Variants in DERPC observed in about 807,000 individuals in gnomAD.
DERPC encodes decreased expression in renal and prostate cancer protein.
Under a neutral mutation model 7.2 loss-of-function variants are expected in DERPC, and 1 was observed. The observed-to-expected ratio is 0.14, with a 90% confidence interval of 0.05 to 0.66. DERPC has a LOEUF of 0.66. DERPC is among the 30% of genes least tolerant of loss of function. The pLI is 0.84. For missense variants in DERPC, 502 were observed against 299.4 expected (o/e 1.68, Z -4.99); for synonymous variants, 185 against 117.6 (o/e 1.57, Z -3.71).
At chr16:69,123,039 T>C (rs552999175) in intron 1 of DERPC, among the ~76,000 whole-genome samples, 96 of 152,204 alleles carry the variant, frequency 6.3e-4, no homozygotes, top group Admixed American at 1.1e-3. Context: ...GATTATAGGC[T>C]TGAGCCACTG....
In DERPC at chr16:69,121,422, C is replaced by T. The variant is rs1238226972; in HGVS notation, c.-222+14G>A. 1 of 1,599,368 alleles carries T rather than the reference C, an allele frequency of 6.3e-7. No individual in the cohort carries two copies. The highest frequency in any genetic ancestry group is 8.5e-7 in the Non-Finnish European group (1 of 1,175,364). On this transcript the variant is annotated intron_variant, in intron 2 of 2. Coordinates refer to ENST00000519520, the MANE Select transcript of DERPC (RefSeq NM_001002847.4). ...CATTTCAAGCCAAATTTTAAAATCT[C>T]AAAATGTACTTACCTGGAAATAACA...
At chr16:69,126,524 G>A (rs1962068348) in intron 1 of DERPC, among the ~76,000 whole-genome samples, 1 of 152,188 alleles carries the variant, frequency 6.6e-6, no homozygotes, top group South Asian at 2.1e-4. Flanking sequence ...TAGTTCTGTG[G>A]CCCACAGGCC....
rs1470142593 is a variant in DERPC at position 69,119,221 on chromosome 16, G to C, written c.1208C>G (p.Ser403Cys). 12 of 703,050 alleles carry C rather than the reference G, an allele frequency of 1.7e-5. 1 individual carries two copies. The highest frequency in any genetic ancestry group is 1.5e-4 in the South Asian group (10 of 67,582). The allele number at this position is 703,050 out of a possible 1,614,324, so 43.6% of individuals were successfully genotyped here. A position where few individuals can be genotyped will look rare whatever the true frequency, so the allele number is the denominator to read the frequency against. ...AGCTGGGTTGGGGCCAAGTGGCCCA[G>C]AGGCTCTTGGGAAAATGGTTGGATT... Reference protein sequence around the residue: ...GSNPTIFPRASGPLGPNPANF... With the variant: ...GSNPTIFPRACGPLGPNPANF... The change falls in exon 3 of 3, where the codon TCT becomes TGT. Residue 403 changes from serine (S) to cysteine (C), a missense_variant. By Grantham distance (112) the Ser-to-Cys change is moderately radical (BLOSUM62 -1). Transcript: ENST00000519520.
Position 69,120,262 on chromosome 16 carries a change from C to G in DERPC, c.167G>C (p.Gly56Ala), listed in dbSNP as rs1264732275. Reference protein sequence around the residue: ...VNSDPFLMAAGSLGGNLTPFP... With the variant: ...VNSDPFLMAAASLGGNLTPFP... ...TGGGGTCAGATTTCCACCAAGAGAA[C>G]CGGCCGCCATAAGGAAGGGATCCGA... Residue 56 changes from glycine (G) to alanine (A), a missense_variant, in exon 3 of 3, where the codon GGT becomes GCT. Physicochemically the swap from Gly to Ala is moderately conservative, Grantham distance 60. Transcript: ENST00000519520. This position sits in a 1 kb window ranked among gnomAD's most constrained non-coding sequence, Gnocchi z 4.0. The G allele has an allele frequency of 1.4e-6, 1 of 728,326 alleles. No homozygotes were observed. The allele number at this position is 728,326 out of a possible 1,614,324, so 45.1% of individuals were successfully genotyped here.
At chr16:69,123,943 A>C (rs1287602803) in intron 1 of DERPC, among the ~76,000 whole-genome samples, 29 of 78,724 alleles carry the variant, frequency 3.7e-4, no homozygotes, top group Admixed American at 1.1e-3. Context: ...AAAAAAAAAA[A>C]AAAACAAAAA....
intron 1 of DERPC, among the ~76,000 whole-genome samples, chr16:69,129,974 A>G (rs1467333149): frequency 6.6e-6 from 1 of 152,246 alleles, no homozygotes; most frequent in Non-Finnish European, 1.5e-5. Flanking sequence ...CTAGGACGCA[A>G]AGCTTTACCC....
chr16:69,127,655 G>A (rs1354221428), intron 1 of DERPC, among the ~76,000 whole-genome samples: 4 of 146,960 alleles, frequency 2.7e-5, no homozygotes, highest in Non-Finnish European at 5.9e-5. Context: ...TGTTGCCCAG[G>A]CTGGAGTGCA....
In DERPC at chr16:69,120,261, A is replaced by G. The variant is rs749203164; in HGVS notation, c.168T>C (p.Gly56=). The change falls in exon 3 of 3, where the codon GGT becomes GGC. Residue 56 remains glycine, a synonymous_variant. Coordinates refer to ENST00000519520, the MANE Select transcript of DERPC (RefSeq NM_001002847.4). This position sits in a 1 kb window ranked among gnomAD's most constrained non-coding sequence, Gnocchi z 4.0. ...VNSDPFLMAA[G]SLGGNLTPFP... ...ATGGGGTCAGATTTCCACCAAGAGA[A>G]CCGGCCGCCATAAGGAAGGGATCCG... 1.4e-6 allele frequency: 1 copy of G among 725,750 alleles called. No homozygotes were observed. Among genetic ancestry groups the G allele is most frequent in the Non-Finnish European group, 2.5e-6 (1 of 402,476 alleles). The allele number at this position is 725,750 out of a possible 1,614,324, so 45.0% of individuals were successfully genotyped here.
rs759076060 is a variant in DERPC, at chr16:69,120,382, G to C, written c.47C>G (p.Thr16Ser). Residue 16 changes from threonine to serine, a missense_variant, in exon 3 of 3, where the codon ACT (threonine) becomes AGT (serine). Transcript: ENST00000519520. This position sits in a 1 kb window ranked among gnomAD's most constrained non-coding sequence, Gnocchi z 4.0. Reference sequence around the variant, plus strand: ...TCCTCGAGGTGGCAGCGGAGCACGAGTCCAAGGAGTTGGCCGCTCTCTAGG... The same window carrying C: ...TCCTCGAGGTGGCAGCGGAGCACGACTCCAAGGAGTTGGCCGCTCTCTAGG... ...IFPRERPTPW[T>S]RAPLPPRGRL... 3 of 1,594,324 alleles carry C rather than the reference G, an allele frequency of 1.9e-6. No homozygotes were observed.
At chr16:69,130,501 T>C (rs549573230) in intron 1 of DERPC, among the ~76,000 whole-genome samples, 2 of 152,356 alleles carry the variant, frequency 1.3e-5, no homozygotes, top group South Asian at 2.1e-4. Context: ...TTTACGAATA[T>C]AGTGAAGCAC....
At position 69,119,579 on chromosome 16, in the gene DERPC, G is replaced by A; in HGVS notation, c.850C>T (p.Leu284Phe). 1 of 702,360 alleles carries A rather than the reference G, an allele frequency of 1.4e-6. No individual in the cohort carries two copies. The highest frequency in any genetic ancestry group is 2.6e-6 in the Non-Finnish European group (1 of 384,616). The allele number at this position is 702,360 out of a possible 1,614,324, so 43.5% of individuals were successfully genotyped here. The change falls in exon 3 of 3, where the codon CTT (leucine) becomes TTT (phenylalanine). Residue 284 changes from leucine to phenylalanine, a missense_variant. Coordinates refer to ENST00000519520, the MANE Select transcript of DERPC (RefSeq NM_001002847.4). ...AAAGAAGCTGAATTTGCTCCTAAAA[G>A]ACCTGCTGCTCTTAGAATGGGGGCA... ...DLAPILRAAG[L>F]LGANSASFSQ...
rs555295385 is a variant in DERPC at position 69,127,830 on chromosome 16, G to A, written c.-280+4654C>T. Among the ~76,000 whole-genome samples the A allele has an allele frequency of 9.9e-5, 15 of 151,966 alleles. No individual in the cohort carries two copies. The South Asian group carries it at 2.7e-3, about 27-fold the overall frequency. On this transcript the variant is annotated intron_variant, in intron 1 of 2. Transcript: ENST00000519520. ...TCACCATCTTGGCCAGGCTAGTCTC[G>A]AACTCCTGACCTCAAGTGATCTGCC...
intron 1 of DERPC, chr16:69,132,162 C>A: frequency 6.5e-6 from 1 of 153,228 alleles, no homozygotes; most frequent in Non-Finnish European, 1.4e-5. Context: ...GCCCTTCTCC[C>A]GCTCCGCCCC....
rs777061343 is a variant in DERPC at position 69,118,850 on chromosome 16, G to A, written c.*4C>T. On this transcript the variant is annotated 3_prime_UTR_variant, in exon 3 of 3. Coordinates refer to ENST00000519520, the MANE Select transcript of DERPC (RefSeq NM_001002847.4). ...CCAAGGTGGTCCTGGAGGGAAAATG[G>A]TGTTTAAGGGGGCAACATTCCATTT... The A allele has an allele frequency of 2.9e-6, 2 of 699,894 alleles. No individual in the cohort carries two copies. The highest frequency in any genetic ancestry group is 1.7e-5 in the African/African-American group (1 of 57,300). 43.4% of individuals were successfully genotyped at this position (699,894 alleles called of 1,614,324 possible). A position where few individuals can be genotyped will look rare whatever the true frequency, so the allele number is the denominator to read the frequency against.
chr16:69,121,519 G>A (rs1381034154), intron 1 of DERPC, 26 bp from the exon 2 acceptor site: 21 of 1,427,654 alleles, frequency 1.5e-5, no homozygotes, highest in Middle Eastern at 3.6e-4. Context: ...AAGAGATTTA[G>A]GGTAATAACA....
chr16:69,120,889 C>A lies in DERPC; in HGVS notation c.-221-240G>T. 1 of 775,054 alleles carries A rather than the reference C, an allele frequency of 1.3e-6. No homozygotes were observed. Among genetic ancestry groups the A allele is most frequent in the Non-Finnish European group, 2.3e-6 (1 of 432,490 alleles). 48.0% of individuals were successfully genotyped at this position (775,054 alleles called of 1,614,324 possible). On this transcript the variant is annotated intron_variant, in intron 2 of 2. Transcript: ENST00000519520. This position sits in a 1 kb window ranked among gnomAD's most constrained non-coding sequence, Gnocchi z 4.0. ...TTCCAGATTCCCCAAAATTAAATTT[C>A]CCTGCTACTGCAGAGGTAGGGGGAG...
rs759329610 is a variant in DERPC at position 69,121,081 on chromosome 16, A to T, written c.-222+355T>A. 8.7e-6 allele frequency: 14 copies of T among 1,613,954 alleles called. 1 individual carries two copies. The South Asian group carries it at 1.2e-4, about 14-fold the overall frequency. ...AGTGGTGTAATGTAGGTCTCCCAGG[A>T]GGTTTCCAGCTAATCCAGTGCTGTA... On this transcript the variant is annotated intron_variant, in intron 2 of 2. Coordinates refer to ENST00000519520, the MANE Select transcript of DERPC (RefSeq NM_001002847.4).
At chr16:69,130,144 C>G (rs895829786) in intron 1 of DERPC, among the ~76,000 whole-genome samples, 1 of 152,174 alleles carries the variant, frequency 6.6e-6, no homozygotes, top group African/African-American at 2.4e-5. Flanking sequence ...ACAGCCTGAG[C>G]AATGATCCTC....
chr16:69,118,764 T>C lies in DERPC; in HGVS notation c.*90A>G, dbSNP rs2152264141. 1 of 639,630 alleles carries C rather than the reference T, an allele frequency of 1.6e-6. No individual in the cohort carries two copies. The highest frequency in any genetic ancestry group is 2.7e-5 in the East Asian group (1 of 36,874). 39.6% of individuals were successfully genotyped at this position (639,630 alleles called of 1,614,324 possible). ...AGCCCAAGCTATGTTCTTCAGACTG[T>C]AGCTCCACAACTACCCTTTTACCTA... is the stretch of plus-strand genomic sequence containing the variant. On this transcript the variant is annotated 3_prime_UTR_variant, in exon 3 of 3. Transcript: ENST00000519520.
Sources: gnomAD v4.1 joint callset for allele counts (sites outside exome capture counted in the v4.1 genomes callset) on GRCh38, gnomAD v4.1.1 for gene constraint, Gnocchi (gnomAD v3.1) non-coding constraint, MANE v1.5 for transcripts, NCBI Gene and HGNC (gene_info 2026-07-23, HGNC 2026-07-21) for gene names.